Variants in SURF4 observed in about 807,000 individuals in gnomAD.
The protein encoded by SURF4 is surfeit 4.
In SURF4, 3 loss-of-function variants were observed where a neutral mutation model predicts 30.0. The observed-to-expected ratio is 0.10, with a 90% CI of 0.05 to 0.26. The LOEUF is 0.26. Among genes scored for constraint, SURF4 ranks in the 10% least tolerant of loss-of-function variants. SURF4 has a pLI of 1.00. For missense variants in SURF4, 217 were observed against 350.8 expected (o/e 0.62, Z 3.05); for synonymous variants, 143 against 139.9 (o/e 1.02, Z -0.16).
chr9:133,369,287 C>T (rs1382573096), intron 1 of SURF4, among the ~76,000 whole-genome samples: 1 of 152,198 alleles, frequency 6.6e-6, no homozygotes, highest in Non-Finnish European at 1.5e-5. Flanking sequence ...CCGACAGATA[C>T]CCAGAGAATC....
At chr9:133,370,170 T>G (rs1380246333) in intron 1 of SURF4, among the ~76,000 whole-genome samples, 1 of 152,060 alleles carries the variant, frequency 6.6e-6, no homozygotes, top group Admixed American at 6.6e-5. Flanking sequence ...ATTGAGGCAG[T>G]GTTTAAAAGT....
chr9:133,363,559 G>A lies in SURF4; in HGVS notation c.744C>T (p.Gly248=). 1.2e-6 allele frequency: 2 copies of A among 1,614,168 alleles called. No homozygotes were observed. The highest frequency in any genetic ancestry group is 1.7e-6 in the Non-Finnish European group (2 of 1,180,046). The change falls in exon 6 of 6, where the codon GGC becomes GGT. Residue 248 remains glycine (G), a synonymous_variant. Coordinates refer to ENST00000371989, the MANE Select transcript of SURF4 (RefSeq NM_033161.4). This position sits in a 1 kb window ranked among gnomAD's most constrained non-coding sequence, Gnocchi z 4.3. The part of the protein sequence containing the change: ...DFFQTMSVIG[G]LLLVVALGPG... ...GGCCCAGGGCCACCACCAGGAGCAA[G>A]CCCCCAATCACCGACATGGTCTGGA...
At chr9:133,376,404 G>GCGGGTCCCA, upstream of SURF4, 1 of 1,461,406 alleles carries the variant, frequency 6.8e-7, no homozygotes, top group South Asian at 1.3e-5. Flanking sequence ...GGAGGATCCC[G>GCGGGTCCCA]CGGGTCCCAC....
chr9:133,375,946 GC>G lies in SURF4; in HGVS notation c.23del (p.Gly8AlafsTer26). The G allele has an allele frequency of 8.1e-7, 1 of 1,234,314 alleles. No individual in the cohort carries two copies. 76.5% of individuals were successfully genotyped at this position (1,234,314 alleles called of 1,614,324 possible). Reference sequence around the variant, plus strand: ...CCTGGTCGGCGAAGTCCTCGGCCGTGCCCATCAGGTCGTTCTGGCCCATGGC... The same window carrying G: ...CCTGGTCGGCGAAGTCCTCGGCCGTGCCATCAGGTCGTTCTGGCCCATGGC... MGQNDLM[G>X]TAEDFADQFL... On this transcript the variant is annotated frameshift_variant, in exon 1 of 6. Coordinates refer to ENST00000371989, the MANE Select transcript of SURF4 (RefSeq NM_033161.4). LOFTEE classifies it high-confidence loss of function.
At chr9:133,364,130 A>G (rs2130099026) in intron 5 of SURF4, among the ~76,000 whole-genome samples, 168 of 152,232 alleles carry the variant, frequency 1.1e-3, no homozygotes, top group Non-Finnish European at 1.8e-3. Flanking sequence ...CCTGGACACT[A>G]CCCGGCCAGG....
chr9:133,362,986 AAAC>A lies in SURF4; in HGVS notation c.*504_*506del, dbSNP rs200974230. ...TCCTATAAAATACAATGCGGGGCAG[AAAC>A]AACATCAAAGCCACTGGTGTGATTT... On this transcript the variant is annotated 3_prime_UTR_variant, in exon 6 of 6. Coordinates refer to ENST00000371989, the MANE Select transcript of SURF4 (RefSeq NM_033161.4). 2,107 of 234,252 alleles carry A rather than the reference AAAC, an allele frequency of 9.0e-3. 13 individuals are homozygous for A. The highest frequency in any genetic ancestry group is 0.014 in the Non-Finnish European group (1,588 of 116,992). The allele number at this position is 234,252 out of a possible 1,614,324, so 14.5% of individuals were successfully genotyped here. A position where few individuals can be genotyped will look rare whatever the true frequency, so the allele number is the denominator to read the frequency against.
intron 1 of SURF4, chr9:133,370,730 G>C: frequency 1.9e-6 from 1 of 518,790 alleles, no homozygotes; most frequent in Non-Finnish European, 3.4e-6. Context: ...ATTGCTGGTA[G>C]CCAGCACACA....
At chr9:133,366,988 C>T (rs1214742788) in intron 2 of SURF4, among the ~76,000 whole-genome samples, 2 of 152,246 alleles carry the variant, frequency 1.3e-5, no homozygotes, top group Non-Finnish European at 2.9e-5. Context: ...GCCAGCCAGA[C>T]TCCAGCATCT....
chr9:133,366,406 C>T (rs2130125658), intron 3 of SURF4, among the ~76,000 whole-genome samples, 193 bp downstream of exon 3: 2 of 152,226 alleles, frequency 1.3e-5, no homozygotes, highest in African/African-American at 4.8e-5. Context: ...AAAAGATGGC[C>T]CAGTACCGAA....
At chr9:133,371,458 G>A (rs1241613070) in intron 1 of SURF4, among the ~76,000 whole-genome samples, 1 of 152,200 alleles carries the variant, frequency 6.6e-6, no homozygotes, top group African/African-American at 2.4e-5. Context: ...CAATGTGGGA[G>A]ATGATGGCCT....
chr9:133,374,301 C>G (rs1046925378), intron 1 of SURF4, among the ~76,000 whole-genome samples: 2 of 152,008 alleles, frequency 1.3e-5, no homozygotes. Context: ...GCCTGTAATC[C>G]CAGCACTTTG....
intron 1 of SURF4, among the ~76,000 whole-genome samples, chr9:133,371,608 G>C (rs1837512716): frequency 6.6e-6 from 1 of 152,248 alleles, no homozygotes; most frequent in Non-Finnish European, 1.5e-5. Flanking sequence ...TGAAGAGTGA[G>C]TTTTAACCTC....
intron 5 of SURF4, among the ~76,000 whole-genome samples, chr9:133,364,229 C>T (rs2130099829): frequency 6.6e-6 from 1 of 152,070 alleles, no homozygotes; most frequent in Non-Finnish European, 1.5e-5. Context: ...GAGAAAGATA[C>T]GAACAGTGAG....
chr9:133,367,387 G>A lies in SURF4; in HGVS notation c.107C>T (p.Thr36Ile). 1 of 1,614,204 alleles carries A rather than the reference G, an allele frequency of 6.2e-7. No individual in the cohort carries two copies. The highest frequency in any genetic ancestry group is 8.5e-7 in the Non-Finnish European group (1 of 1,180,052). The change falls in exon 2 of 6, where the codon ACC (threonine) becomes ATC (isoleucine). Residue 36 changes from threonine (T) to isoleucine (I), a missense_variant. By Grantham distance (89) the Thr-to-Ile change is moderately conservative (BLOSUM62 -1). Transcript: ENST00000371989. ...PHVARLCLIS[T>I]FLEDGIRMWF... The stretch of plus-strand genomic sequence containing the variant: ...CATACGGATGCCGTCCTCCAGGAAG[G>A]TGCTGATCAGACAGAGGCGCGCCAC...
At chr9:133,368,372 G>A (rs2130157563) in intron 1 of SURF4, among the ~76,000 whole-genome samples, 1 of 152,346 alleles carries the variant, frequency 6.6e-6, no homozygotes, top group South Asian at 2.1e-4. Flanking sequence ...TCTGGACAGC[G>A]CATGTGTGCT....
rs2130131991 is a variant in SURF4 at position 133,366,710 on chromosome 9, G to C, written c.236-35C>G. The C allele has an allele frequency of 3.1e-6, 5 of 1,604,892 alleles. No individual in the cohort carries two copies. In the South Asian group the frequency reaches 4.4e-5, roughly 14 times the overall value. ...AGGACAAGGGTTAGGGGGCCTGAGG[G>C]TGGGTGCCGGCGGGGAGCACTGTCT... On this transcript the variant is annotated intron_variant, in intron 2 of 5. Coordinates refer to ENST00000371989, the MANE Select transcript of SURF4 (RefSeq NM_033161.4).
At chr9:133,364,727 G>A in intron 5 of SURF4, 113 bp downstream of exon 5, 3 of 957,166 alleles carry the variant, frequency 3.1e-6, no homozygotes, top group East Asian at 2.7e-5. Context: ...CATTTCAGCA[G>A]CTCCCCCAGG....
At position 133,363,134 on chromosome 9, in the gene SURF4, T is replaced by C. The variant is rs2130082328; in HGVS notation, c.*359A>G. The C allele has an allele frequency of 3.2e-5, 16 of 500,806 alleles. No individual in the cohort carries two copies. The highest frequency in any genetic ancestry group is 5.7e-5 in the Non-Finnish European group (16 of 278,950). 31.0% of individuals were successfully genotyped at this position (500,806 alleles called of 1,614,324 possible). A position where few individuals can be genotyped will look rare whatever the true frequency, so the allele number is the denominator to read the frequency against. ...AGACTGCTTTGAATGATAATACCAA[T>C]GCGTCTGCTCACAGTACAGCTTGAA... On this transcript the variant is annotated 3_prime_UTR_variant, in exon 6 of 6. Coordinates refer to ENST00000371989, the MANE Select transcript of SURF4 (RefSeq NM_033161.4). This position sits in a 1 kb window ranked among gnomAD's most constrained non-coding sequence, Gnocchi z 4.3.
At chr9:133,374,094 G>A (rs1418365204) in intron 1 of SURF4, among the ~76,000 whole-genome samples, 3 of 152,092 alleles carry the variant, frequency 2.0e-5, no homozygotes. Flanking sequence ...AAGAGCGAGT[G>A]TATGTAGCTC....
Sources: allele counts gnomAD v4.1 joint callset (sites outside exome capture counted in the v4.1 genomes callset), GRCh38; gene constraint gnomAD v4.1.1; non-coding constraint Gnocchi (gnomAD v3.1); transcripts MANE v1.5; gene names NCBI Gene and HGNC (gene_info 2026-07-23, HGNC 2026-07-21).